The following WWOX variants were observed in gnomAD, a reference collection of about 807,000 sequenced individuals.
WWOX encodes the protein WW domain-containing oxidoreductase.
Under a neutral mutation model 46.2 loss-of-function variants are expected in WWOX, and 69 were observed. The ratio of observed to expected loss-of-function variants is 1.49; its 90% CI spans 1.23 to 1.82. WWOX has a LOEUF of 1.82. Among genes scored for constraint, WWOX ranks in the 40% most tolerant of loss-of-function variants. The probability of loss-of-function intolerance (pLI) is 0.00; values close to 1 mark genes in which losing one functional copy is unlikely to be tolerated. For synonymous variants in WWOX, 359 were observed against 202.6 expected (o/e 1.77, Z -6.56); for missense variants, 919 against 542.6 (o/e 1.69, Z -6.89).
chr16:78,532,986 T>A (rs2043659371), intron 8 of WWOX, among the ~76,000 whole-genome samples: 1 of 152,110 alleles, frequency 6.6e-6, no homozygotes, highest in Non-Finnish European at 1.5e-5. Flanking sequence ...GATGCTTGGA[T>A]AGGGCAGGTG....
intron 8 of WWOX, among the ~76,000 whole-genome samples, chr16:78,651,221 C>G (rs942203187): frequency 6.6e-6 from 1 of 152,252 alleles, no homozygotes; most frequent in Non-Finnish European, 1.5e-5. Flanking sequence ...TGCCCTCTTT[C>G]ACGTGTGTGC....
chr16:78,816,594 A>G (rs1318776100), intron 8 of WWOX, among the ~76,000 whole-genome samples: 1 of 124,050 alleles, frequency 8.1e-6, no homozygotes, highest in Non-Finnish European at 1.6e-5. Flanking sequence ...AAAAATTTTC[A>G]TCTTTTGGGT....
intron 8 of WWOX, among the ~76,000 whole-genome samples, chr16:78,884,929 C>G (rs1196573875): frequency 6.6e-6 from 1 of 152,146 alleles, no homozygotes; most frequent in Non-Finnish European, 1.5e-5. Context: ...TTCTGCTTTT[C>G]CCATCAATTC....
chr16:78,669,844 T>C (rs926802841), intron 8 of WWOX, among the ~76,000 whole-genome samples: 16 of 152,314 alleles, frequency 1.1e-4, no homozygotes, highest in African/African-American at 3.1e-4. Flanking sequence ...TCTAATAAGA[T>C]GTTTAGGGAG....
intron 8 of WWOX, among the ~76,000 whole-genome samples, chr16:78,611,978 C>G (rs2738554): frequency 0.45 from 68,919 of 152,066 alleles, 16,840 homozygotes; most frequent in Middle Eastern, 0.6. Context: ...CAGCCTAGCC[C>G]ACAGATGGGG....
intron 8 of WWOX, among the ~76,000 whole-genome samples, chr16:79,167,897 C>A (rs1469253076): frequency 2.6e-5 from 4 of 152,114 alleles, no homozygotes; most frequent in Non-Finnish European, 5.9e-5. Flanking sequence ...CATCACTGCC[C>A]CATTCCCTTC....
At chr16:78,356,423 C>T (rs957166606) in intron 5 of WWOX, among the ~76,000 whole-genome samples, 6 of 152,034 alleles carry the variant, frequency 3.9e-5, no homozygotes, top group Admixed American at 6.6e-5. Flanking sequence ...GATTTGTGGA[C>T]CCGTGGGAAA....
chr16:78,888,413 C>G (rs1008519572), intron 8 of WWOX, among the ~76,000 whole-genome samples: 1 of 152,186 alleles, frequency 6.6e-6, no homozygotes, highest in Non-Finnish European at 1.5e-5. Context: ...GGTGTTACTC[C>G]TATTCTTTTT....
At chr16:78,539,927 C>G (rs747099352) in intron 8 of WWOX, among the ~76,000 whole-genome samples, 9 of 151,972 alleles carry the variant, frequency 5.9e-5, no homozygotes, top group African/African-American at 2.2e-4. Context: ...ACCACACTTA[C>G]ATTTAAATAC....
At chr16:79,094,731 C>G (rs2049034895) in intron 8 of WWOX, among the ~76,000 whole-genome samples, 1 of 151,648 alleles carries the variant, frequency 6.6e-6, no homozygotes, top group African/African-American at 2.4e-5. Context: ...TGAAGATAAA[C>G]CTGGAATGAG....
intron 8 of WWOX, among the ~76,000 whole-genome samples, chr16:78,809,156 C>T (rs1483051071): frequency 4.6e-5 from 7 of 151,946 alleles, no homozygotes; most frequent in African/African-American, 7.3e-5. Flanking sequence ...GATGCAATCT[C>T]AAGTCATAGG....
chr16:78,827,870 C>G (rs2051706217), intron 8 of WWOX, among the ~76,000 whole-genome samples: 1 of 152,144 alleles, frequency 6.6e-6, no homozygotes, highest in Middle Eastern at 3.4e-3. Flanking sequence ...AAACATATGG[C>G]CAGCAGCCAG....
At chr16:78,301,675 C>T (rs1343264304) in intron 5 of WWOX, among the ~76,000 whole-genome samples, 1 of 152,148 alleles carries the variant, frequency 6.6e-6, no homozygotes, top group East Asian at 1.9e-4. Flanking sequence ...CCTCCAAGAC[C>T]TCAGGGCTGT....
At chr16:78,568,449 CT>C (rs1223548558) in intron 8 of WWOX, among the ~76,000 whole-genome samples, 211 of 142,284 alleles carry the variant, frequency 1.5e-3, no homozygotes, top group African/African-American at 5.0e-3. Flanking sequence ...TTAAATTTTT[CT>C]TTTTTTTAAA....
rs539185266 is a variant in WWOX, at chr16:78,408,038, G to A, written c.606-16832G>A. Among the ~76,000 whole-genome samples the A allele has an allele frequency of 6.6e-5, 10 of 152,262 alleles. No homozygotes were observed. In the South Asian group the frequency reaches 1.9e-3, roughly 28 times the overall value. On this transcript the variant is annotated intron_variant, in intron 6 of 8. Coordinates refer to ENST00000566780, the MANE Select transcript of WWOX (RefSeq NM_016373.4). ...TATGGTGCCTTAATGGGTACTTAAA[G>A]TCCAGGTGAGAGTGGCAGGAGGCAG...
At chr16:78,797,413 G>C (rs1326903129) in intron 8 of WWOX, among the ~76,000 whole-genome samples, 1 of 147,346 alleles carries the variant, frequency 6.8e-6, no homozygotes, top group Non-Finnish European at 1.5e-5. Context: ...AGCCCCGACA[G>C]GTACGAGCTT....
chr16:78,449,745 T>C (rs913775224), intron 8 of WWOX, among the ~76,000 whole-genome samples: 19 of 152,190 alleles, frequency 1.2e-4, no homozygotes, highest in African/African-American at 4.1e-4. Context: ...ATAAACAAAC[T>C]GGTAGATAAT....
intron 8 of WWOX, among the ~76,000 whole-genome samples, chr16:78,867,507 T>TG (rs1235865463): frequency 2.0e-5 from 3 of 151,612 alleles, no homozygotes; most frequent in Non-Finnish European, 2.9e-5. Context: ...TGTGTGTGTG[T>TG]GTGTATGTGT....
chr16:78,541,182 T>C (rs898231705), intron 8 of WWOX, among the ~76,000 whole-genome samples: 2 of 152,084 alleles, frequency 1.3e-5, no homozygotes, highest in East Asian at 1.9e-4. Flanking sequence ...GTTATAAAAA[T>C]AGACACGTAC....
Sources: allele counts gnomAD v4.1 joint callset (sites outside exome capture counted in the v4.1 genomes callset), GRCh38; gene constraint gnomAD v4.1.1; transcripts MANE v1.5; gene names NCBI Gene and HGNC (gene_info 2026-07-23, HGNC 2026-07-21).